GPHN: variants seen among roughly 807,000 people sequenced by gnomAD.
The protein encoded by GPHN is gephyrin.
GPHN carries 17 observed loss-of-function variants against 95.5 expected under a neutral mutation model. The ratio of observed to expected loss-of-function variants is 0.18; its 90% confidence interval spans 0.12 to 0.27. The LOEUF is 0.27. Ranked by LOEUF, GPHN falls within the 10% of genes least tolerant of loss-of-function variation. The pLI is 1.00. For synonymous variants in GPHN, 320 were observed against 322.5 expected (o/e 0.99, Z 0.08); for missense variants, 660 against 978.1 (o/e 0.67, Z 4.34).
At chr14:66,853,967 T>A (rs2062698716) in intron 4 of GPHN, among the ~76,000 whole-genome samples, 1 of 152,322 alleles carries the variant, frequency 6.6e-6, no homozygotes, top group South Asian at 2.1e-4. Context: ...CCTTATCATA[T>A]CATTTTATCA....
chr14:66,586,717 C>G (rs905960982), intron 1 of GPHN, among the ~76,000 whole-genome samples: 11 of 152,114 alleles, frequency 7.2e-5, no homozygotes, highest in Admixed American at 5.2e-4. Context: ...ATATTGGCCC[C>G]CACTCTCTTC....
At chr14:66,824,215 G>C (rs1482588896) in intron 3 of GPHN, among the ~76,000 whole-genome samples, 2 of 152,028 alleles carry the variant, frequency 1.3e-5, no homozygotes, top group African/African-American at 4.8e-5. Context: ...TTTATTTACG[G>C]TTTTCTTATG....
At chr14:66,913,341 GT>G (rs1440613112) in intron 5 of GPHN, among the ~76,000 whole-genome samples, 5 of 151,566 alleles carry the variant, frequency 3.3e-5, no homozygotes, top group Admixed American at 3.3e-4. Context: ...TTTGATTTTT[GT>G]TTTGTTTTGT....
intron 12 of GPHN, among the ~76,000 whole-genome samples, chr14:67,091,557 C>T (rs918552269): frequency 6.6e-6 from 1 of 151,858 alleles, no homozygotes; most frequent in Non-Finnish European, 1.5e-5. Flanking sequence ...ACACCAGAGA[C>T]AAAGAAGTCT....
chr14:67,173,774 A>C (rs1287991797), intron 21 of GPHN, among the ~76,000 whole-genome samples: 1 of 152,214 alleles, frequency 6.6e-6, no homozygotes, highest in Non-Finnish European at 1.5e-5. Flanking sequence ...AAATTCAATG[A>C]GATATAATAA....
At chr14:67,254,501 A>C in the GPHN span, among the ~76,000 whole-genome samples, 3 of 152,012 alleles carry the variant, frequency 2.0e-5, no homozygotes, top group Non-Finnish European at 4.4e-5. Context: ...AGTTAATTGT[A>C]CTCTAAACCT....
At chr14:67,392,952 G>T in the GPHN span, 1 of 1,031,984 alleles carries the variant, frequency 9.7e-7, no homozygotes, top group Non-Finnish European at 1.4e-6. Context: ...CAGCCTCAGG[G>T]CTCTACGCAA....
chr14:67,233,629 C>T, the GPHN span, among the ~76,000 whole-genome samples: 1 of 152,180 alleles, frequency 6.6e-6, no homozygotes, highest in Non-Finnish European at 1.5e-5. Flanking sequence ...CAGTCTGTCT[C>T]ATGACAGGTG....
chr14:66,903,603 T>G (rs2065229126), intron 5 of GPHN, among the ~76,000 whole-genome samples: 2 of 152,176 alleles, frequency 1.3e-5, no homozygotes, highest in Admixed American at 1.3e-4. Flanking sequence ...ATTCAGGCAC[T>G]CTATGTCTTT....
At chr14:66,636,564 A>C (rs2153347955) in intron 1 of GPHN, among the ~76,000 whole-genome samples, 1 of 152,182 alleles carries the variant, frequency 6.6e-6, no homozygotes, top group East Asian at 1.9e-4. Context: ...AACTTCAGCC[A>C]AGCTTTAAAA....
the GPHN span, among the ~76,000 whole-genome samples, chr14:67,668,554 T>A: frequency 6.6e-6 from 1 of 152,230 alleles, no homozygotes; most frequent in Admixed American, 6.5e-5. Context: ...ATCACAATCA[T>A]ATATCAATAT....
chr14:67,361,140 A>C, the GPHN span, among the ~76,000 whole-genome samples: 1 of 152,248 alleles, frequency 6.6e-6, no homozygotes, highest in Non-Finnish European at 1.5e-5. Context: ...ACCTAAGATA[A>C]GGATATATTT....
At chr14:67,135,818 TC>T (rs1165415589) in intron 17 of GPHN, among the ~76,000 whole-genome samples, 1 of 152,170 alleles carries the variant, frequency 6.6e-6, no homozygotes, top group East Asian at 1.9e-4. Context: ...CTTATGGAAT[TC>T]CTATTGGTAG....
chr14:66,886,998 C>A (rs1271501505), intron 5 of GPHN, among the ~76,000 whole-genome samples: 2 of 152,120 alleles, frequency 1.3e-5, no homozygotes, highest in East Asian at 3.9e-4. Context: ...TGGAACAAGT[C>A]CTTCGGAACA....
the GPHN span, chr14:67,733,924 A>T: frequency 1.8e-6 from 2 of 1,099,186 alleles, no homozygotes; most frequent in Non-Finnish European, 2.8e-6. Flanking sequence ...GGCCAACCCT[A>T]AAGGATTGTC....
intron 2 of GPHN, among the ~76,000 whole-genome samples, chr14:66,721,134 TG>T (rs780510338): frequency 6.6e-6 from 1 of 152,232 alleles, no homozygotes; most frequent in Non-Finnish European, 1.5e-5. Context: ...TCCAATGGTA[TG>T]ATCTTAAAGT....
the GPHN span, among the ~76,000 whole-genome samples, chr14:67,555,624 T>C: frequency 6.6e-6 from 1 of 152,208 alleles, no homozygotes; most frequent in Non-Finnish European, 1.5e-5. Context: ...CCACGGGCTC[T>C]TCACCTGCCC....
chr14:67,199,016 C>A, the GPHN span: 1 of 711,784 alleles, frequency 1.4e-6, no homozygotes, highest in Non-Finnish European at 2.6e-6. Flanking sequence ...GGGAGGACAA[C>A]AGACACTTCA....
chr14:67,615,853 T>C, the GPHN span: 1 of 622,222 alleles, frequency 1.6e-6, no homozygotes, highest in South Asian at 1.6e-5. Context: ...CCATTGGTGA[T>C]TCGGCGAAGA....
Sources: allele counts gnomAD v4.1 joint callset (sites outside exome capture counted in the v4.1 genomes callset), GRCh38; gene constraint gnomAD v4.1.1; transcripts MANE v1.5; gene names NCBI Gene and HGNC (gene_info 2026-07-23, HGNC 2026-07-21).